FCF1: variants seen among roughly 807,000 people sequenced by gnomAD.
FCF1 encodes rRNA-processing protein FCF1 homolog.
FCF1 carries 17 observed loss-of-function variants against 32.5 expected under a neutral mutation model. The observed-to-expected ratio is 0.52, with a 90% CI of 0.36 to 0.78. FCF1 has a LOEUF of 0.78. FCF1 is among the 30% of genes least tolerant of loss of function. The pLI is 0.00. For synonymous variants in FCF1, 84 were observed against 78.4 expected (o/e 1.07, Z -0.38); for missense variants, 201 against 241.1 (o/e 0.83, Z 1.10).
chr14:74,730,418 A>T (rs187881360), intron 5 of FCF1, among the ~76,000 whole-genome samples: 78 of 151,976 alleles, frequency 5.1e-4, no homozygotes, highest in African/African-American at 1.1e-3. Context: ...TTAAAAAAAA[A>T]TTTTTTTGGT....
At chr14:74,729,830 A>C (rs1205251288) in intron 5 of FCF1, among the ~76,000 whole-genome samples, 6 of 152,046 alleles carry the variant, frequency 3.9e-5, no homozygotes, top group Admixed American at 3.9e-4. Context: ...TTCAAAGAAC[A>C]TATTTATTTC....
In FCF1 at chr14:74,716,068, G is replaced by A; in HGVS notation, c.261G>A (p.Val87=). The change falls in exon 4 of 8, where the codon GTG becomes GTA. Residue 87 remains valine, a synonymous_variant. Transcript: ENST00000341162. ...NFSIKAKLDL[V]QSMMDCLYAK... is the part of the protein sequence containing the mutation. ...CCATAAAAGCCAAACTGGACTTAGT[G>A]CAGTCAATGATGGACTGTCTGTATG... 1 of 1,613,586 alleles carries A rather than the reference G, an allele frequency of 6.2e-7. No homozygotes were observed. Among genetic ancestry groups the A allele is most frequent in the South Asian group, 1.1e-5 (1 of 91,066 alleles).
intron 2 of FCF1, among the ~76,000 whole-genome samples, chr14:74,714,645 C>A (rs752799588): frequency 1.5e-4 from 23 of 152,214 alleles, no homozygotes; most frequent in Non-Finnish European, 3.2e-4. Context: ...ATTAACAATT[C>A]TTATGCATTA....
intron 4 of FCF1, among the ~76,000 whole-genome samples, chr14:74,716,934 GT>G (rs2090428720): frequency 6.6e-6 from 1 of 152,220 alleles, no homozygotes; most frequent in South Asian, 2.1e-4. Context: ...AATGGTAAAT[GT>G]TGTTTACTGA....
intron 4 of FCF1, among the ~76,000 whole-genome samples, chr14:74,716,556 A>G (rs753971754): frequency 2.0e-5 from 3 of 152,192 alleles, no homozygotes; most frequent in Non-Finnish European, 2.9e-5. Flanking sequence ...AAGTTTATTC[A>G]GTTTGGTATT....
rs560744119 is a variant in FCF1 at position 74,714,507 on chromosome 14, T to A, written c.72-365T>A. On this transcript the variant is annotated intron_variant, in intron 2 of 7. Coordinates refer to ENST00000341162, the MANE Select transcript of FCF1 (RefSeq NM_015962.5). ...TGGGGTAATACTTTTCCCCCAAAAG[T>A]TAAAGCATCTGAATCTTCAGAAGAT... Among the ~76,000 whole-genome samples the A allele has an allele frequency of 9.2e-5, 14 of 152,324 alleles. No individual in the cohort carries two copies. In the East Asian group the frequency reaches 2.7e-3, roughly 29 times the overall value.
At chr14:74,715,034 T>A in intron 3 of FCF1, 91 bp downstream of exon 3, 1 of 1,290,394 alleles carries the variant, frequency 7.7e-7, no homozygotes, top group South Asian at 1.5e-5. Flanking sequence ...AACTTATTTG[T>A]TAGTAAGTCT....
At chr14:74,723,470 G>T in intron 5 of FCF1, 126 bp downstream of exon 5, 2 of 644,880 alleles carry the variant, frequency 3.1e-6, no homozygotes, top group Non-Finnish European at 5.2e-6. Context: ...TTTTTGGGGG[G>T]GTTGTTTTGG....
chr14:74,713,236 G>A (rs1270867700), intron 1 of FCF1, 36 bp downstream of exon 1: 2 of 1,614,090 alleles, frequency 1.2e-6, no homozygotes, highest in African/African-American at 2.7e-5. Flanking sequence ...ACGTTATCAG[G>A]CCACTTTTTG....
At chr14:74,728,596 C>T (rs2090600023) in intron 5 of FCF1, among the ~76,000 whole-genome samples, 2 of 152,138 alleles carry the variant, frequency 1.3e-5, no homozygotes, top group South Asian at 4.1e-4. Context: ...CCTTTATTTC[C>T]TTCTCCTGCC....
In FCF1 at chr14:74,714,897, A is replaced by G; in HGVS notation, c.97A>G (p.Lys33Glu). Residue 33 changes from lysine (K) to glutamate (E), a missense_variant, in exon 3 of 8, where the codon AAA (lysine) becomes GAA (glutamate). Physicochemically the swap from Lys to Glu is moderately conservative, Grantham distance 56 (BLOSUM62 1). Around this residue, in one of 3 missense-constraint regions of FCF1, gnomAD observed 76 missense variants for 75.0 expected, o/e 1.01. Coordinates refer to ENST00000341162, the MANE Select transcript of FCF1 (RefSeq NM_015962.5). ...RLKEKDRLKP[K>E]KKEKKDPSAL... Reference sequence around the variant, plus strand: ...TAAAGAAAAGGATAGATTAAAACCTAAAAAGAAAGAAAAGAAGGATCCCAG... The same window carrying G: ...TAAAGAAAAGGATAGATTAAAACCTGAAAAGAAAGAAAAGAAGGATCCCAG... 6.3e-7 allele frequency: 1 copy of G among 1,592,706 alleles called. No homozygotes were observed.
intron 2 of FCF1, among the ~76,000 whole-genome samples, chr14:74,713,803 T>C (rs1291671113): frequency 6.6e-6 from 1 of 152,230 alleles, no homozygotes; most frequent in Non-Finnish European, 1.5e-5. Flanking sequence ...CATATCGCAT[T>C]TAAACCTCAT....
intron 5 of FCF1, among the ~76,000 whole-genome samples, chr14:74,727,236 G>A (rs1170154941): frequency 3.3e-5 from 5 of 152,250 alleles, no homozygotes; most frequent in Non-Finnish European, 4.4e-5. Context: ...GTGTAAAAGT[G>A]TTCCTATTTC....
intron 5 of FCF1, among the ~76,000 whole-genome samples, chr14:74,730,014 T>C (rs1461852658): frequency 6.6e-6 from 1 of 152,104 alleles, no homozygotes; most frequent in African/African-American, 2.4e-5. Flanking sequence ...AGGAGAGCTT[T>C]ACTTCCAAGT....
At chr14:74,713,364 T>A in intron 1 of FCF1, 121 bp from the exon 2 acceptor site, 1 of 1,550,712 alleles carries the variant, frequency 6.4e-7, no homozygotes, top group Non-Finnish European at 8.8e-7. Flanking sequence ...CTTTACAGAG[T>A]GGGGAAGAGG....
intron 5 of FCF1, among the ~76,000 whole-genome samples, chr14:74,725,480 CAAAAAAAA>C (rs35508938): frequency 1.3e-4 from 5 of 39,968 alleles, no homozygotes; most frequent in Non-Finnish European, 2.1e-4. Flanking sequence ...ACCCTGTCTC[CAAAAAAAA>C]AAAAAAAAAA....
intron 5 of FCF1, among the ~76,000 whole-genome samples, chr14:74,728,335 G>A (rs1420060626): frequency 6.6e-6 from 1 of 152,010 alleles, no homozygotes; most frequent in African/African-American, 2.4e-5. Context: ...TTGTAAGTTG[G>A]ATTCCTAGGT....
At chr14:74,719,854 A>G (rs2090476935) in intron 4 of FCF1, among the ~76,000 whole-genome samples, 2 of 151,966 alleles carry the variant, frequency 1.3e-5, no homozygotes, top group African/African-American at 4.8e-5. Context: ...ATGGAGGGTT[A>G]CTTTTATTTA....
intron 5 of FCF1, among the ~76,000 whole-genome samples, chr14:74,728,398 C>G (rs933664406): frequency 6.6e-6 from 1 of 152,054 alleles, no homozygotes; most frequent in Admixed American, 6.6e-5. Flanking sequence ...TGATTTGGCT[C>G]TCTGTTTGTC....
Sources: allele counts gnomAD v4.1 joint callset (sites outside exome capture counted in the v4.1 genomes callset), GRCh38; gene constraint gnomAD v4.1.1; regional missense constraint gnomAD v4.1.1; transcripts MANE v1.5; gene names NCBI Gene and HGNC (gene_info 2026-07-23, HGNC 2026-07-21).